The following CREB5 variants were observed in gnomAD, a reference collection of about 807,000 sequenced individuals.
The protein encoded by CREB5 is cyclic AMP-responsive element-binding protein 5.
CREB5 carries 19 observed loss-of-function variants against 57.1 expected under a neutral mutation model. The observed-to-expected ratio is 0.33, with a 90% CI of 0.23 to 0.49. The LOEUF is 0.49. Among genes scored for constraint, CREB5 ranks in the 20% least tolerant of loss-of-function variants. The pLI is 0.99. For synonymous variants in CREB5, 238 were observed against 238.3 expected (o/e 1.00, Z 0.01); for missense variants, 579 against 671.6 (o/e 0.86, Z 1.52).
chr7:28,533,653 A>G (rs1208283156), intron 4 of CREB5, among the ~76,000 whole-genome samples: 2 of 152,178 alleles, frequency 1.3e-5, no homozygotes, highest in Non-Finnish European at 2.9e-5. Flanking sequence ...TCCATTTTAC[A>G]TCATGTCCTC....
chr7:28,648,430 G>C lies in CREB5; in HGVS notation c.465-70323G>C, dbSNP rs558407521. 5.3e-5 allele frequency among the ~76,000 whole-genome samples: 8 copies of C among 152,194 alleles called. No homozygotes were observed. The South Asian group carries it at 1.7e-3, about 32-fold the overall frequency. ...GACGCTGAACCTCTTGAGATATAAA[G>C]AGGAATAGGAAGATGATAACTTTGG... is the stretch of plus-strand genomic sequence containing the variant. On this transcript the variant is annotated intron_variant, in intron 5 of 10. Coordinates refer to ENST00000357727, the MANE Select transcript of CREB5 (RefSeq NM_182898.4).
intron 5 of CREB5, among the ~76,000 whole-genome samples, chr7:28,574,838 C>A (rs555695244): frequency 6.6e-6 from 1 of 152,112 alleles, no homozygotes; most frequent in Non-Finnish European, 1.5e-5. Flanking sequence ...CGTAAAAAAA[C>A]CCTCCCTGAT....
rs9297126 is a variant in CREB5 at position 28,552,004 on chromosome 7, C to T, written c.292-18361C>T. 9.7e-4 allele frequency among the ~76,000 whole-genome samples: 140 copies of T among 143,984 alleles called. 1 individual carries two copies. Among genetic ancestry groups the T allele is most frequent in the East Asian group, 1.0e-3 (5 of 4,960 alleles). 94.5% of individuals were successfully genotyped at this position (143,984 alleles called of 152,430 possible). ...CTCTCTCTTTCTCTCTTTTCTCTCT[C>T]TCTCTCTTTTCTCTCTCTCTTTCTC... is the stretch of plus-strand genomic sequence containing the variant. On this transcript the variant is annotated intron_variant, in intron 4 of 10. Coordinates refer to ENST00000357727, the MANE Select transcript of CREB5 (RefSeq NM_182898.4).
intron 1 of CREB5, among the ~76,000 whole-genome samples, chr7:28,443,061 G>A (rs1789271176): frequency 6.6e-6 from 1 of 152,210 alleles, no homozygotes; most frequent in Admixed American, 6.5e-5. Flanking sequence ...GTCAAGAACT[G>A]TGAAGAGCTG....
At chr7:28,698,162 C>G (rs1055767523) in intron 5 of CREB5, among the ~76,000 whole-genome samples, 8 of 152,052 alleles carry the variant, frequency 5.3e-5, no homozygotes, top group Non-Finnish European at 4.4e-5. Flanking sequence ...TGCCAAACCT[C>G]AAAATGTTTG....
intron 1 of CREB5, among the ~76,000 whole-genome samples, chr7:28,311,138 CAAA>C (rs58272820): frequency 1.7e-5 from 2 of 117,612 alleles, no homozygotes; most frequent in East Asian, 2.6e-4. Flanking sequence ...ACTAAAAATA[CAAA>C]AAAAAAAAAA....
intron 1 of CREB5, among the ~76,000 whole-genome samples, chr7:28,311,826 C>G (rs375034083): frequency 2.0e-5 from 3 of 152,298 alleles, no homozygotes; most frequent in South Asian, 2.1e-4. Flanking sequence ...AGAACCTTCT[C>G]CGCAGCAAAA....
chr7:28,719,992 G>A (rs753949823), intron 6 of CREB5, among the ~76,000 whole-genome samples: 9 of 152,164 alleles, frequency 5.9e-5, no homozygotes, highest in East Asian at 1.9e-4. Flanking sequence ...CCCGGGAGGC[G>A]GAGGTTACAG....
At chr7:28,403,405 C>T (rs1450509757) in intron 1 of CREB5, among the ~76,000 whole-genome samples, 1 of 152,158 alleles carries the variant, frequency 6.6e-6, no homozygotes, top group African/African-American at 2.4e-5. Context: ...TCCCCAAAAC[C>T]TTACAGGGCA....
At chr7:28,710,805 C>A (rs534396720) in intron 5 of CREB5, among the ~76,000 whole-genome samples, 1 of 152,112 alleles carries the variant, frequency 6.6e-6, no homozygotes, top group East Asian at 1.9e-4. Context: ...GAGCGTGCAC[C>A]AAGCCTGACA....
At chr7:28,452,758 T>C (rs752165026) in intron 1 of CREB5, among the ~76,000 whole-genome samples, 2 of 152,206 alleles carry the variant, frequency 1.3e-5, no homozygotes, top group Non-Finnish European at 2.9e-5. Context: ...CTCTTGCCAC[T>C]GCCTCTTACT....
chr7:28,605,352 A>C (rs1003618141), intron 5 of CREB5, among the ~76,000 whole-genome samples: 6 of 152,216 alleles, frequency 3.9e-5, no homozygotes, highest in African/African-American at 1.2e-4. Context: ...GCCTGAATCC[A>C]TCTAGATATT....
At chr7:28,477,888 C>T (rs1005377496) in intron 1 of CREB5, among the ~76,000 whole-genome samples, 11 of 152,122 alleles carry the variant, frequency 7.2e-5, no homozygotes, top group African/African-American at 1.2e-4. Context: ...GATGAGGCAG[C>T]AGGATTGCTT....
intron 1 of CREB5, among the ~76,000 whole-genome samples, chr7:28,363,086 G>C (rs1786522628): frequency 6.6e-6 from 1 of 152,000 alleles, no homozygotes; most frequent in African/African-American, 2.4e-5. Context: ...TATCACTTTG[G>C]GTCCATTTAA....
At chr7:28,703,338 T>A (rs1455083496) in intron 5 of CREB5, among the ~76,000 whole-genome samples, 2 of 152,098 alleles carry the variant, frequency 1.3e-5, no homozygotes, top group African/African-American at 4.8e-5. Flanking sequence ...AGATGAGGAA[T>A]CTCAAAGTTA....
At chr7:28,643,256 G>A (rs551776682) in intron 5 of CREB5, among the ~76,000 whole-genome samples, 1 of 152,236 alleles carries the variant, frequency 6.6e-6, no homozygotes, top group South Asian at 2.1e-4. Flanking sequence ...GCCTTCCTGG[G>A]AAATTCCAAA....
At chr7:28,719,020 A>G (rs1211647157) in intron 6 of CREB5, 141 bp downstream of exon 6, 38 of 1,380,628 alleles carry the variant, frequency 2.8e-5, no homozygotes, top group East Asian at 1.2e-4. Context: ...GCTGTGTGCA[A>G]TTTTGCTTTG....
At chr7:28,743,054 A>T (rs963775038) in intron 7 of CREB5, among the ~76,000 whole-genome samples, 19 of 152,254 alleles carry the variant, frequency 1.2e-4, no homozygotes, top group African/African-American at 4.6e-4. Flanking sequence ...AAAGTGCTGG[A>T]ATTACAGGCA....
chr7:28,740,998 A>ATTTTTTTTTTT (rs34485539), intron 7 of CREB5, among the ~76,000 whole-genome samples: 1 of 145,456 alleles, frequency 6.9e-6, no homozygotes, highest in Non-Finnish European at 1.5e-5. Flanking sequence ...CCATGCAGGG[A>ATTTTTTTTTTT]TTTTTTTTTT....
Sources: allele counts gnomAD v4.1 joint callset (sites outside exome capture counted in the v4.1 genomes callset), GRCh38; gene constraint gnomAD v4.1.1; transcripts MANE v1.5; gene names NCBI Gene and HGNC (gene_info 2026-07-23, HGNC 2026-07-21).